VPS53: variants seen among roughly 807,000 people sequenced by gnomAD.
VPS53 encodes the protein VPS53 subunit of GARP complex, also known as vacuolar protein sorting-associated protein 53 homolog.
Under a neutral mutation model 107.0 loss-of-function variants are expected in VPS53, and 70 were observed. The ratio of observed to expected loss-of-function variants is 0.65; its 90% CI spans 0.54 to 0.80. VPS53 has a LOEUF of 0.80. Among genes scored for constraint, VPS53 ranks in the 30% least tolerant of loss-of-function variants. VPS53 has a pLI of 0.00. For synonymous variants in VPS53, 409 were observed against 393.3 expected (o/e 1.04, Z -0.47); for missense variants, 917 against 1,049.4 (o/e 0.87, Z 1.74).
intron 12 of VPS53, among the ~76,000 whole-genome samples, chr17:587,616 A>G (rs3867591): frequency 0.38 from 57,950 of 151,998 alleles, 11,335 homozygotes; most frequent in Middle Eastern, 0.51. Flanking sequence ...TTTTAAAACA[A>G]TATTTGCCAC....
intron 4 of VPS53, among the ~76,000 whole-genome samples, chr17:692,704 G>A (rs968819302): frequency 6.6e-5 from 10 of 152,204 alleles, no homozygotes; most frequent in Non-Finnish European, 2.9e-5. Context: ...CTTATTTACA[G>A]ATATAGAAGC....
At chr17:559,437 A>G (rs1252727453) in intron 15 of VPS53, among the ~76,000 whole-genome samples, 1 of 152,178 alleles carries the variant, frequency 6.6e-6, no homozygotes, top group Non-Finnish European at 1.5e-5. Context: ...GTGCCATCTT[A>G]CCTGGGGAGT....
intron 11 of VPS53, among the ~76,000 whole-genome samples, chr17:622,936 C>T (rs893093280): frequency 2.0e-5 from 3 of 151,924 alleles, no homozygotes; most frequent in African/African-American, 7.3e-5. Flanking sequence ...GCAATCCTGC[C>T]TTGGCCTCCC....
chr17:560,107 T>A (rs1374137342), intron 15 of VPS53, among the ~76,000 whole-genome samples: 1 of 152,246 alleles, frequency 6.6e-6, no homozygotes, highest in Non-Finnish European at 1.5e-5. Flanking sequence ...ACAGACAAGC[T>A]TGTTACTGCT....
chr17:560,342 G>A (rs1912819320), intron 15 of VPS53, 84 bp downstream of exon 15: 2 of 1,493,712 alleles, frequency 1.3e-6, no homozygotes, highest in Non-Finnish European at 1.8e-6. Context: ...GGCCATGTTA[G>A]GACGTATATT....
intron 4 of VPS53, among the ~76,000 whole-genome samples, chr17:690,631 G>A (rs1273190664): frequency 6.6e-6 from 1 of 152,178 alleles, no homozygotes; most frequent in East Asian, 1.9e-4. Flanking sequence ...TCTTGACCTG[G>A]GGGTTTCAGG....
chr17:602,755 G>C (rs1365620833), intron 11 of VPS53, among the ~76,000 whole-genome samples: 4 of 152,296 alleles, frequency 2.6e-5, no homozygotes, highest in Middle Eastern at 6.8e-3. Context: ...ATACACACAA[G>C]GGTCACTGAT....
At chr17:691,145 G>A (rs1972762807) in intron 4 of VPS53, among the ~76,000 whole-genome samples, 1 of 152,174 alleles carries the variant, frequency 6.6e-6, no homozygotes, top group Non-Finnish European at 1.5e-5. Flanking sequence ...ACTAAGAATG[G>A]TTAGCCTAGA....
intron 11 of VPS53, among the ~76,000 whole-genome samples, chr17:618,250 C>CG (rs1567679488): frequency 1.3e-5 from 1 of 75,596 alleles, no homozygotes; most frequent in African/African-American, 4.5e-5. Flanking sequence ...TACAGGCGTG[C>CG]ACCACCACGC....
Position 631,621 on chromosome 17 carries a change from C to G in VPS53, c.616G>C (p.Ala206Pro), listed in dbSNP as rs780550341. ...TGCTGTCCTAACTCAGTCTGTGCAGCCTTCACTCTGTGAGGAAGAGAGAAC... is the reference window on the plus strand; with the variant it reads ...TGCTGTCCTAACTCAGTCTGTGCAGGCTTCACTCTGTGAGGAAGAGAGAAC... ...QIRQLSERVKAAQTELGQQIL... is the reference protein window; with the variant it reads ...QIRQLSERVKPAQTELGQQIL... The change falls in exon 8 of 22, where the codon GCT (alanine) becomes CCT (proline). Residue 206 changes from alanine to proline, a missense_variant. Ala to Pro is a conservative substitution (Grantham distance 27). Transcript: ENST00000437048. 1 of 1,613,870 alleles carries G rather than the reference C, an allele frequency of 6.2e-7. No homozygotes were observed. The highest frequency in any genetic ancestry group is 8.5e-7 in the Non-Finnish European group (1 of 1,179,922).
intron 2 of VPS53, 97 bp downstream of exon 2, chr17:710,436 T>C: frequency 1.1e-6 from 1 of 910,038 alleles, no homozygotes; most frequent in Non-Finnish European, 1.8e-6. Context: ...CCCTTGTGTA[T>C]CAAGGGCCCG....
intron 4 of VPS53, among the ~76,000 whole-genome samples, chr17:687,241 G>A (rs923731827): frequency 2.6e-4 from 39 of 149,776 alleles, no homozygotes; most frequent in Middle Eastern, 3.6e-3. Context: ...AGCAGAGATC[G>A]TAACACGGCA....
chr17:573,589 G>T (rs1350968927), intron 13 of VPS53, among the ~76,000 whole-genome samples: 3 of 152,184 alleles, frequency 2.0e-5, no homozygotes, highest in Non-Finnish European at 4.4e-5. Flanking sequence ...GGATGGCAGG[G>T]CAGGCACTGT....
rs181193301 is a variant in VPS53, at chr17:643,132, G to A, written c.608+10159C>T. Among the ~76,000 whole-genome samples, 3 of 111,864 alleles carry A rather than the reference G, an allele frequency of 2.7e-5. No homozygotes were observed. In the East Asian group the frequency reaches 7.1e-4, roughly 26 times the overall value. The allele number at this position is 111,864 out of a possible 152,430, so 73.4% of individuals were successfully genotyped here. A position where few individuals can be genotyped will look rare whatever the true frequency, so the allele number is the denominator to read the frequency against. ...AGGACAACACTCACACTTGGAAAGC[G>A]AGGACAACACTCATACTTGGAAAGC... On this transcript the variant is annotated intron_variant, in intron 7 of 21. Coordinates refer to ENST00000437048, the MANE Select transcript of VPS53 (RefSeq NM_001128159.3).
chr17:699,739 C>T (rs1567749737), intron 2 of VPS53, among the ~76,000 whole-genome samples: 1 of 152,204 alleles, frequency 6.6e-6, no homozygotes, highest in Non-Finnish European at 1.5e-5. Flanking sequence ...AGTCTGCTGA[C>T]CCATGGTGTA....
intron 17 of VPS53, among the ~76,000 whole-genome samples, chr17:543,362 A>G (rs144338446): frequency 7.5e-4 from 114 of 152,350 alleles, no homozygotes; most frequent in African/African-American, 2.7e-3. Context: ...ACATGTTCAC[A>G]ATCCTGAAAC....
At chr17:612,941 T>A (rs1968961059) in intron 11 of VPS53, among the ~76,000 whole-genome samples, 2 of 147,054 alleles carry the variant, frequency 1.4e-5, no homozygotes, top group East Asian at 2.1e-4. Context: ...CACAGCAGTA[T>A]TCAAATAGTG....
chr17:640,804 T>C (rs1970395109), intron 7 of VPS53, among the ~76,000 whole-genome samples: 2 of 152,218 alleles, frequency 1.3e-5, no homozygotes, highest in South Asian at 4.2e-4. Flanking sequence ...TGCTTAATCC[T>C]GGAGCAGAAG....
chr17:561,167 C>T (rs574686214), intron 14 of VPS53, among the ~76,000 whole-genome samples: 5 of 152,292 alleles, frequency 3.3e-5, no homozygotes, highest in East Asian at 3.9e-4. Flanking sequence ...AGGACATAAG[C>T]GAATGTTAAG....
Sources: gnomAD v4.1 joint callset for allele counts (sites outside exome capture counted in the v4.1 genomes callset) on GRCh38, gnomAD v4.1.1 for gene constraint, MANE v1.5 for transcripts, NCBI Gene and HGNC (gene_info 2026-07-23, HGNC 2026-07-21) for gene names.